ZBTB46: variants seen among roughly 807,000 people sequenced by gnomAD.
The protein encoded by ZBTB46 is zinc finger and BTB domain-containing protein 46.
Under a neutral mutation model 44.1 loss-of-function variants are expected in ZBTB46, and 8 were observed. The observed-to-expected ratio is 0.18, with a 90% confidence interval of 0.11 to 0.33. The LOEUF (loss-of-function observed/expected upper bound fraction) is 0.33, where lower values mean the gene tolerates loss of function less well. ZBTB46 is among the 10% of genes least tolerant of loss of function. ZBTB46 has a pLI of 1.00. For missense variants in ZBTB46, 651 were observed against 847.7 expected (o/e 0.77, Z 2.88); for synonymous variants, 409 against 382.3 (o/e 1.07, Z -0.81).
At chr20:63,808,384 G>A (rs572913669) in intron 1 of ZBTB46, among the ~76,000 whole-genome samples, 38 of 152,326 alleles carry the variant, frequency 2.5e-4, no homozygotes, top group African/African-American at 7.7e-4. Context: ...CACGGAGCCC[G>A]GGGCTTCAGG....
At chr20:63,804,720 C>T (rs201434121) in intron 1 of ZBTB46, among the ~76,000 whole-genome samples, 1 of 151,820 alleles carries the variant, frequency 6.6e-6, no homozygotes, top group Admixed American at 6.6e-5. Context: ...GGTGAAACCC[C>T]GTCTCTACCA....
chr20:63,765,168 A>G (rs1299018533), intron 3 of ZBTB46, among the ~76,000 whole-genome samples: 1 of 151,656 alleles, frequency 6.6e-6, no homozygotes, highest in Non-Finnish European at 1.5e-5. Flanking sequence ...GGGCAGTTGT[A>G]TGCAGAAGCT....
intron 1 of ZBTB46, among the ~76,000 whole-genome samples, chr20:63,793,276 T>C (rs1277230543): frequency 1.3e-5 from 2 of 152,304 alleles, no homozygotes; most frequent in East Asian, 3.9e-4. Flanking sequence ...CGGAGCAGGC[T>C]GTGGGGAGGG....
At chr20:63,755,135 G>A (rs2092208001) in intron 3 of ZBTB46, among the ~76,000 whole-genome samples, 3 of 152,240 alleles carry the variant, frequency 2.0e-5, no homozygotes, top group African/African-American at 4.8e-5. Context: ...ACCCAGGGCA[G>A]AGCCGCAGCT....
intron 1 of ZBTB46, among the ~76,000 whole-genome samples, chr20:63,820,025 C>T (rs901496246): frequency 2.6e-5 from 4 of 152,348 alleles, no homozygotes; most frequent in African/African-American, 9.6e-5. Context: ...CATGCAAACT[C>T]CCAGTGTATG....
intron 1 of ZBTB46, among the ~76,000 whole-genome samples, chr20:63,820,116 C>T (rs1303507895): frequency 2.0e-5 from 3 of 150,926 alleles, no homozygotes; most frequent in African/African-American, 7.3e-5. Flanking sequence ...TTGTTTGAGA[C>T]GAAGTCTCGC....
chr20:63,793,172 C>T (rs1055552384), intron 1 of ZBTB46, among the ~76,000 whole-genome samples: 5 of 152,244 alleles, frequency 3.3e-5, no homozygotes, highest in Admixed American at 6.5e-5. Context: ...AAGGCCCCAT[C>T]CCGCCCCACA....
In ZBTB46 at chr20:63,774,998, C is replaced by A. The variant is rs569469085; in HGVS notation, c.1222+680G>T. ...GATTGCAGGCGTGAGCCACCGCGCC[C>A]GGCCCCTTTGTTTTTTTAAACTCCG... On this transcript the variant is annotated intron_variant, in intron 3 of 4. Transcript: ENST00000245663. Among the ~76,000 whole-genome samples, 4 of 152,266 alleles carry A rather than the reference C, an allele frequency of 2.6e-5. No homozygotes were observed. In the East Asian group the frequency reaches 7.7e-4, roughly 29 times the overall value.
At chr20:63,798,674 C>CAAAAAAAAA (rs71197435) in intron 1 of ZBTB46, among the ~76,000 whole-genome samples, 311 of 18,706 alleles carry the variant, frequency 0.017, 77 homozygotes, top group Middle Eastern at 0.17. Flanking sequence ...GACTCTGTCT[C>CAAAAAAAAA]AAAAAAAAAA....
intron 1 of ZBTB46, among the ~76,000 whole-genome samples, chr20:63,791,655 T>C (rs1392370287): frequency 1.3e-5 from 2 of 152,194 alleles, no homozygotes; most frequent in African/African-American, 4.8e-5. Context: ...CCTGGGTCCC[T>C]GCCCAGCACT....
intron 3 of ZBTB46, among the ~76,000 whole-genome samples, chr20:63,756,122 G>A (rs1476408419): frequency 6.6e-6 from 1 of 152,206 alleles, no homozygotes; most frequent in Non-Finnish European, 1.5e-5. Flanking sequence ...TGGCCTCCCT[G>A]CACCAAGCCA....
At chr20:63,776,948 A>G (rs1009444558) in intron 2 of ZBTB46, among the ~76,000 whole-genome samples, 3 of 152,222 alleles carry the variant, frequency 2.0e-5, no homozygotes, top group Non-Finnish European at 4.4e-5. Flanking sequence ...AGAGATGCTC[A>G]GCATCACCCA....
At chr20:63,791,717 T>C (rs528547797) in intron 1 of ZBTB46, among the ~76,000 whole-genome samples, 1 of 152,236 alleles carries the variant, frequency 6.6e-6, no homozygotes, top group East Asian at 1.9e-4. Context: ...GCCCTGGACG[T>C]CTGAGACACG....
At chr20:63,809,238 C>T (rs1341238425) in intron 1 of ZBTB46, among the ~76,000 whole-genome samples, 3 of 128,026 alleles carry the variant, frequency 2.3e-5, no homozygotes, top group African/African-American at 8.1e-5. Context: ...GCCCTGGGGG[C>T]GCAGCCCTGG....
chr20:63,786,000 C>A (rs989114691), intron 2 of ZBTB46, among the ~76,000 whole-genome samples: 5 of 152,234 alleles, frequency 3.3e-5, no homozygotes, highest in African/African-American at 4.8e-5. Flanking sequence ...TTTCTCAGTG[C>A]CTGCATCGAC....
intron 4 of ZBTB46, among the ~76,000 whole-genome samples, chr20:63,748,805 T>A (rs1369709968): frequency 6.6e-6 from 1 of 152,240 alleles, no homozygotes; most frequent in African/African-American, 2.4e-5. Context: ...CTTGTGAGTT[T>A]AGCTCTTCCT....
Position 63,803,506 on chromosome 20 carries a change from A to ACT in ZBTB46, c.-33-12717_-33-12716insAG. The ACT allele has an allele frequency of 1.0e-6, 1 of 985,334 alleles. No homozygotes were observed. The highest frequency in any genetic ancestry group is 1.2e-6 in the Non-Finnish European group (1 of 829,916). The allele number at this position is 985,334 out of a possible 1,614,324, so 61.0% of individuals were successfully genotyped here. A position where few individuals can be genotyped will look rare whatever the true frequency, so the allele number is the denominator to read the frequency against. ...GAGGACTTTAGGTTTTCCACATGGC[A>ACT]GCCCCCATGTGGCCATCTGAAGATG... On this transcript the variant is annotated intron_variant, in intron 1 of 4. Coordinates refer to ENST00000245663, the MANE Select transcript of ZBTB46 (RefSeq NM_001369741.1). The surrounding 1 kb of genome is among the most constrained non-coding windows in gnomAD (Gnocchi z 4.0).
At chr20:63,754,791 G>A (rs1404266978) in intron 3 of ZBTB46, among the ~76,000 whole-genome samples, 4 of 151,854 alleles carry the variant, frequency 2.6e-5, no homozygotes, top group African/African-American at 9.7e-5. Context: ...AGTAGAGACG[G>A]GGTTTCACCG....
chr20:63,789,677 CACG>C, intron 2 of ZBTB46, 141 bp downstream of exon 2: 1 of 1,396,878 alleles, frequency 7.2e-7, no homozygotes, highest in Non-Finnish European at 9.5e-7. Flanking sequence ...TCCCAGCGGT[CACG>C]ACAACCTCCT....
Sources: allele counts gnomAD v4.1 joint callset (sites outside exome capture counted in the v4.1 genomes callset), GRCh38; gene constraint gnomAD v4.1.1; non-coding constraint Gnocchi (gnomAD v3.1); transcripts MANE v1.5; gene names NCBI Gene and HGNC (gene_info 2026-07-23, HGNC 2026-07-21).